The following MGP variants were observed in gnomAD, a reference collection of about 807,000 sequenced individuals.
MGP encodes cell growth-inhibiting gene 36 protein.
In MGP, 13 loss-of-function variants were observed where a neutral mutation model predicts 14.5. That is an observed-to-expected ratio of 0.89 (90% CI 0.58 to 1.42). The LOEUF is 1.42. MGP is among the 40% of genes most tolerant of loss of function. The pLI is 0.00. For missense variants in MGP, 128 were observed against 133.7 expected (o/e 0.96, Z 0.21); for synonymous variants, 44 against 46.3 (o/e 0.95, Z 0.20).
chr12:14,885,544 T>C (rs1020114085), intron 1 of MGP, among the ~76,000 whole-genome samples, 187 bp downstream of exon 1: 11 of 152,178 alleles, frequency 7.2e-5, no homozygotes, highest in African/African-American at 2.4e-4. Flanking sequence ...TCTGGATATT[T>C]AGGATATAAA....
At chr12:14,882,412 G>T in intron 3 of MGP, 132 bp from the exon 4 acceptor site, 1 of 1,176,454 alleles carries the variant, frequency 8.5e-7, no homozygotes. Context: ...TAAAGAACAG[G>T]GAGAGGCTGG....
In MGP at chr12:14,882,958, G is replaced by A. The variant is rs188867594; in HGVS notation, c.170+14C>T. The A allele has an allele frequency of 1.3e-6, 2 of 1,593,224 alleles. No homozygotes were observed. The highest frequency in any genetic ancestry group is 1.3e-5 in the African/African-American group (1 of 74,584). The stretch of plus-strand genomic sequence containing the variant: ...GGGAAAAATGACCACTCCTCATGAA[G>A]TTTTGTTACTGACCTCTCTTGGACT... On this transcript the variant is annotated intron_variant, in intron 3 of 3. Transcript: ENST00000539261.
Position 14,881,821 on chromosome 12 carries a change from C to T in MGP, c.*318G>A. On this transcript the variant is annotated 3_prime_UTR_variant, in exon 4 of 4. Transcript: ENST00000539261. ...CTAGATATGAGATGAACAGAATCTCCTATTTTGGGTAAGGTGGGCCATGAT... is the reference window on the plus strand; with the variant it reads ...CTAGATATGAGATGAACAGAATCTCTTATTTTGGGTAAGGTGGGCCATGAT... The T allele has an allele frequency of 3.0e-6, 1 of 331,814 alleles. No homozygotes were observed. Among genetic ancestry groups the T allele is most frequent in the Non-Finnish European group, 5.8e-6 (1 of 173,106 alleles). 20.6% of individuals were successfully genotyped at this position (331,814 alleles called of 1,614,324 possible).
chr12:14,882,963 G>A lies in MGP; in HGVS notation c.170+9C>T. On this transcript the variant is annotated intron_variant, in intron 3 of 3. Coordinates refer to ENST00000539261, the MANE Select transcript of MGP (RefSeq NM_000900.5). ...AAATGACCACTCCTCATGAAGTTTTGTTACTGACCTCTCTTGGACTTTAGC... is the reference window on the plus strand; with the variant it reads ...AAATGACCACTCCTCATGAAGTTTTATTACTGACCTCTCTTGGACTTTAGC... 1 of 1,600,452 alleles carries A rather than the reference G, an allele frequency of 6.2e-7. No individual in the cohort carries two copies. Among genetic ancestry groups the A allele is most frequent in the African/African-American group, 1.3e-5 (1 of 74,764 alleles).
At chr12:14,882,911 A>G (rs1370772355) in intron 3 of MGP, 61 bp downstream of exon 3, 11 of 1,109,990 alleles carry the variant, frequency 9.9e-6, no homozygotes, top group South Asian at 1.2e-5. Flanking sequence ...TCCCACTCCA[A>G]TTCAGATCTG....
intron 1 of MGP, chr12:14,884,750 C>T (rs968734235): frequency 7.0e-7 from 1 of 1,438,608 alleles, no homozygotes; most frequent in Non-Finnish European, 9.3e-7. Flanking sequence ...GTTCCGAAAG[C>T]CTCTTAAGAA....
At position 14,883,094 on chromosome 12, in the gene MGP, G is replaced by T. The variant is rs1430103280; in HGVS notation, c.95-47C>A. The T allele has an allele frequency of 2.9e-6, 4 of 1,362,930 alleles. No individual in the cohort carries two copies. The Admixed American group carries it at 6.7e-5, about 23-fold the overall frequency. 84.4% of individuals were successfully genotyped at this position (1,362,930 alleles called of 1,614,324 possible). A position where few individuals can be genotyped will look rare whatever the true frequency, so the allele number is the denominator to read the frequency against. ...ATGCAGTTTTAGCGACACATAGCTG[G>T]AAATATTTCCGTGAATATTCCTTGA... On this transcript the variant is annotated intron_variant, in intron 2 of 3. Transcript: ENST00000539261.
chr12:14,883,105 G>T, intron 2 of MGP, 58 bp from the exon 3 acceptor site: 1 of 1,289,814 alleles, frequency 7.8e-7, no homozygotes, highest in African/African-American at 1.5e-5. Context: ...AAATATTTCC[G>T]TGAATATTCC....
At chr12:14,884,363 G>A (rs1028601018) in intron 1 of MGP, 118 bp from the exon 2 acceptor site, 6 of 697,860 alleles carry the variant, frequency 8.6e-6, no homozygotes, top group African/African-American at 1.8e-5. Flanking sequence ...AGAGGAAAGA[G>A]TCTAAAAACA....
chr12:14,884,532 C>T (rs1293207466), intron 1 of MGP, among the ~76,000 whole-genome samples: 1 of 152,088 alleles, frequency 6.6e-6, no homozygotes. Context: ...TTCCCAAGGG[C>T]TATGACGTCT....
chr12:14,884,650 G>A (rs1056347299), intron 1 of MGP, among the ~76,000 whole-genome samples: 1 of 152,226 alleles, frequency 6.6e-6, no homozygotes, highest in African/African-American at 2.4e-5. Flanking sequence ...AGAGGATTAA[G>A]AAGGATCCAG....
At chr12:14,884,829 G>C (rs777049714) in intron 1 of MGP, 1 of 1,534,722 alleles carries the variant, frequency 6.5e-7, no homozygotes, top group South Asian at 1.2e-5. Context: ...CACGATGCCA[G>C]TTCAGAGAGA....
chr12:14,884,793 A>G (rs1420181441), intron 1 of MGP: 129 of 1,528,940 alleles, frequency 8.4e-5, no homozygotes, highest in Non-Finnish European at 1.1e-4. Flanking sequence ...AGAAACCACT[A>G]GCTCCAGCTG....
In MGP at chr12:14,882,222, T is replaced by C. The variant is rs748072167; in HGVS notation, c.229A>G (p.Arg77Gly). The C allele has an allele frequency of 3.1e-6, 5 of 1,614,110 alleles. No homozygotes were observed. The South Asian group carries it at 3.3e-5, about 11-fold the overall frequency. The change falls in exon 4 of 4, where the codon AGA (arginine) becomes GGA (glycine). Residue 77 changes from arginine (R) to glycine (G), a missense_variant. Transcript: ENST00000539261. ...ELNREACDDY[R>G]LCERYAMVYG... ...ACCATGGCGTAGCGTTCGCAAAGTCTGTAGTCATCACAGGCTTCCCTATTG... is the reference window on the plus strand; with the variant it reads ...ACCATGGCGTAGCGTTCGCAAAGTCCGTAGTCATCACAGGCTTCCCTATTG...
At position 14,881,943 on chromosome 12, in the gene MGP, C is replaced by T; in HGVS notation, c.*196G>A. 1 of 634,334 alleles carries T rather than the reference C, an allele frequency of 1.6e-6. No homozygotes were observed. Among genetic ancestry groups the T allele is most frequent in the Non-Finnish European group, 2.8e-6 (1 of 360,906 alleles). 39.3% of individuals were successfully genotyped at this position (634,334 alleles called of 1,614,324 possible). A position where few individuals can be genotyped will look rare whatever the true frequency, so the allele number is the denominator to read the frequency against. ...TGGAACAATCACATATGTTGACTCT[C>T]CTTTGACCCTCACTGCAGTGCACTT... On this transcript the variant is annotated 3_prime_UTR_variant, in exon 4 of 4. Coordinates refer to ENST00000539261, the MANE Select transcript of MGP (RefSeq NM_000900.5).
At position 14,882,298 on chromosome 12, in the gene MGP, A is replaced by T. The variant is rs1863387133; in HGVS notation, c.171-18T>A. 1 of 1,614,034 alleles carries T rather than the reference A, an allele frequency of 6.2e-7. No homozygotes were observed. ...CTCGGATCCTAGAAAGTGGAAGAAG[A>T]GGCCAAAATTGAGAAGGATAAAGTG... On this transcript the variant is annotated intron_variant, in intron 3 of 3. Transcript: ENST00000539261.
intron 3 of MGP, among the ~76,000 whole-genome samples, 158 bp from the exon 4 acceptor site, chr12:14,882,438 C>T (rs955051951): frequency 6.6e-6 from 1 of 152,104 alleles, no homozygotes; most frequent in Non-Finnish European, 1.5e-5. Flanking sequence ...GTGGCTCAGG[C>T]CTGTAATCCC....
chr12:14,881,857 C>A lies in MGP; in HGVS notation c.*282G>T. The A allele has an allele frequency of 2.4e-6, 1 of 416,660 alleles. No individual in the cohort carries two copies. Among genetic ancestry groups the A allele is most frequent in the Non-Finnish European group, 4.5e-6 (1 of 223,782 alleles). 25.8% of individuals were successfully genotyped at this position (416,660 alleles called of 1,614,324 possible). On this transcript the variant is annotated 3_prime_UTR_variant, in exon 4 of 4. Coordinates refer to ENST00000539261, the MANE Select transcript of MGP (RefSeq NM_000900.5). ...AAGGTGGGCCATGATTTAAATATCT[C>A]AATATCTTCCCAAAAGAAAGCAGAT...
chr12:14,885,462 T>C (rs1207376650), intron 1 of MGP, among the ~76,000 whole-genome samples: 1 of 152,222 alleles, frequency 6.6e-6, no homozygotes, highest in East Asian at 1.9e-4. Flanking sequence ...GGTATCTTCT[T>C]TCTGAAATAT....
Sources: gnomAD v4.1 joint callset for allele counts (sites outside exome capture counted in the v4.1 genomes callset) on GRCh38, gnomAD v4.1.1 for gene constraint, MANE v1.5 for transcripts, NCBI Gene and HGNC (gene_info 2026-07-23, HGNC 2026-07-21) for gene names.